DRC8: variants seen among roughly 807,000 people sequenced by gnomAD.
DRC8 encodes the protein dynein regulatory complex subunit 8, also known as dynein regulatory complex protein 8.
At chr1:244,985,086 T>G in the DRC8 span, among the ~76,000 whole-genome samples, 7 of 151,124 alleles carry the variant, frequency 4.6e-5, no homozygotes, top group African/African-American at 1.5e-4. Flanking sequence ...GTTTTTTTTT[T>G]TTTTTTTTTT....
At chr1:244,992,203 C>G in the DRC8 span, among the ~76,000 whole-genome samples, 241 of 152,288 alleles carry the variant, frequency 1.6e-3, 1 homozygote, top group African/African-American at 5.2e-3. Flanking sequence ...AGAAAGCCAT[C>G]CTGCTCATTC....
chr1:245,061,861 T>C, the DRC8 span, among the ~76,000 whole-genome samples: 2 of 152,188 alleles, frequency 1.3e-5, no homozygotes, highest in African/African-American at 2.4e-5. Flanking sequence ...ATCCCAGCAC[T>C]TGGGGAGGCT....
the DRC8 span, among the ~76,000 whole-genome samples, chr1:245,109,059 G>A: frequency 3.3e-5 from 5 of 152,268 alleles, no homozygotes; most frequent in Non-Finnish European, 1.5e-5. Flanking sequence ...TAAAGGGTGT[G>A]TTGTCGAGCC....
the DRC8 span, among the ~76,000 whole-genome samples, chr1:245,022,218 T>C: frequency 1.3e-5 from 2 of 150,780 alleles, no homozygotes; most frequent in African/African-American, 4.9e-5. Flanking sequence ...TGATCTCGGC[T>C]CACTGCAACC....
At chr1:245,017,463 TA>T in the DRC8 span, 1 of 908,218 alleles carries the variant, frequency 1.1e-6, no homozygotes, top group Non-Finnish European at 1.6e-6. Flanking sequence ...CCATGCTCCG[TA>T]AAAGGTCTTT....
At chr1:245,064,957 G>GTATTTTT in the DRC8 span, among the ~76,000 whole-genome samples, 1 of 149,398 alleles carries the variant, frequency 6.7e-6, no homozygotes, top group African/African-American at 2.5e-5. Flanking sequence ...CTAGTGACTT[G>GTATTTTT]TATTTTTTGG....
At chr1:245,040,441 A>G in the DRC8 span, among the ~76,000 whole-genome samples, 5 of 152,234 alleles carry the variant, frequency 3.3e-5, no homozygotes, top group Non-Finnish European at 7.3e-5. Context: ...AGACAAGTCC[A>G]GGAGTCAGAG....
the DRC8 span, among the ~76,000 whole-genome samples, chr1:245,050,382 G>T: frequency 6.6e-6 from 1 of 152,074 alleles, no homozygotes; most frequent in Admixed American, 6.5e-5. Flanking sequence ...TAACAGGCGT[G>T]ACCCACCGCG....
the DRC8 span, among the ~76,000 whole-genome samples, chr1:245,020,062 G>C: frequency 1.1e-3 from 168 of 152,040 alleles, no homozygotes; most frequent in African/African-American, 3.9e-3. Flanking sequence ...GACGCCCCCC[G>C]CCCCCAGGCA....
the DRC8 span, chr1:245,091,563 C>T: frequency 1.3e-5 from 2 of 152,208 alleles, no homozygotes; most frequent in Admixed American, 6.5e-5. Flanking sequence ...GCCCCACCTT[C>T]GAGGGTTCTT....
chr1:244,991,269 G>A, the DRC8 span, among the ~76,000 whole-genome samples: 3 of 152,144 alleles, frequency 2.0e-5, no homozygotes, highest in Non-Finnish European at 4.4e-5. Flanking sequence ...GCTCTGCCAG[G>A]TACCCCAGCT....
the DRC8 span, among the ~76,000 whole-genome samples, chr1:245,032,109 C>G: frequency 6.6e-6 from 1 of 152,022 alleles, no homozygotes; most frequent in African/African-American, 2.4e-5. Flanking sequence ...AAACTTCATC[C>G]ATTTCATCTT....
At chr1:245,111,630 C>G in the DRC8 span, among the ~76,000 whole-genome samples, 1 of 152,132 alleles carries the variant, frequency 6.6e-6, no homozygotes, top group African/African-American at 2.4e-5. Flanking sequence ...TCCTTCTGAC[C>G]TTGAAATTTC....
At chr1:245,044,810 C>T in the DRC8 span, among the ~76,000 whole-genome samples, 1 of 151,984 alleles carries the variant, frequency 6.6e-6, no homozygotes, top group Non-Finnish European at 1.5e-5. Context: ...GAACTCCTGA[C>T]CTCAAGTGAT....
the DRC8 span, among the ~76,000 whole-genome samples, chr1:245,111,634 A>T: frequency 1.4e-4 from 21 of 152,236 alleles, no homozygotes; most frequent in African/African-American, 5.1e-4. Context: ...TCTGACCTTG[A>T]AATTTCTTTT....
At chr1:245,047,403 G>A in the DRC8 span, among the ~76,000 whole-genome samples, 1 of 152,168 alleles carries the variant, frequency 6.6e-6, no homozygotes, top group Non-Finnish European at 1.5e-5. Context: ...GGGAGGCTAA[G>A]GCAGGTGGAT....
the DRC8 span, among the ~76,000 whole-genome samples, chr1:245,034,880 A>G: frequency 9.4e-5 from 14 of 149,018 alleles, no homozygotes; most frequent in Non-Finnish European, 1.9e-4. Context: ...TTTTTTTGCA[A>G]AAGTTTAATA....
At chr1:245,027,260 A>G in the DRC8 span, among the ~76,000 whole-genome samples, 42 of 71,520 alleles carry the variant, frequency 5.9e-4, no homozygotes, top group African/African-American at 1.1e-3. Context: ...ATAATTTTTA[A>G]TGTTAGACTA....
At chr1:245,016,942 C>T in the DRC8 span, among the ~76,000 whole-genome samples, 565 of 152,204 alleles carry the variant, frequency 3.7e-3, 4 homozygotes, top group African/African-American at 0.012. Flanking sequence ...ATTCTGTCAC[C>T]GTGATTGGAG....
Sources: gnomAD v4.1 joint callset for allele counts (sites outside exome capture counted in the v4.1 genomes callset) on GRCh38, gnomAD v4.1.1 for gene constraint, MANE v1.5 for transcripts, NCBI Gene and HGNC (gene_info 2026-07-23, HGNC 2026-07-21) for gene names.